Variants in PNPT1 observed in about 807,000 individuals in gnomAD.
The protein encoded by PNPT1 is polyribonucleotide nucleotidyltransferase 1, also known as polyribonucleotide nucleotidyltransferase 1, mitochondrial.
A neutral mutation model predicts 119.5 loss-of-function variants in PNPT1; 53 were observed. The ratio of observed to expected loss-of-function variants is 0.44; its 90% CI spans 0.36 to 0.56. The LOEUF is 0.56. PNPT1 is among the 20% of genes least tolerant of loss of function. The pLI is 0.00. For missense variants in PNPT1, 948 were observed against 938.5 expected (o/e 1.01, Z -0.13); for synonymous variants, 357 against 322.1 (o/e 1.11, Z -1.16).
rs543359868 is a variant in PNPT1 at position 55,689,485 on chromosome 2, C to T, written c.162-1780G>A. 3.3e-5 allele frequency among the ~76,000 whole-genome samples: 5 copies of T among 152,244 alleles called. No homozygotes were observed. In the South Asian group the frequency reaches 8.3e-4, roughly 25 times the overall value. ...GTCCATCAACTGATGAATGGATAAG[C>T]TAAATGTGGTATAATCCATACAACT... On this transcript the variant is annotated intron_variant, in intron 1 of 27. Coordinates refer to ENST00000447944, the MANE Select transcript of PNPT1 (RefSeq NM_033109.5).
intron 1 of PNPT1, among the ~76,000 whole-genome samples, chr2:55,688,906 T>C (rs1020216946): frequency 3.9e-5 from 6 of 152,110 alleles, no homozygotes; most frequent in Admixed American, 1.3e-4. Flanking sequence ...TTTGAGGCAA[T>C]AGTGGACAAC....
At chr2:55,644,540 A>G in intron 23 of PNPT1, 97 bp downstream of exon 23, 2 of 810,600 alleles carry the variant, frequency 2.5e-6, no homozygotes, top group Admixed American at 3.1e-5. Flanking sequence ...CATTTCTCAA[A>G]TAAATATATA....
At chr2:55,681,717 C>A (rs1451165896) in intron 5 of PNPT1, among the ~76,000 whole-genome samples, 1 of 151,536 alleles carries the variant, frequency 6.6e-6, no homozygotes, top group African/African-American at 2.4e-5. Flanking sequence ...TGGTAGTGCA[C>A]GCCTATAATC....
At position 55,672,970 on chromosome 2, in the gene PNPT1, T is replaced by C. The variant is rs76180666; in HGVS notation, c.789A>G (p.Val263=). 1.7e-4 allele frequency: 276 copies of C among 1,613,654 alleles called. 1 individual carries two copies. In the East Asian group the frequency reaches 4.3e-3, roughly 25 times the overall value. ...QQIIQGIQQL[V]KETGVTKRTP... ...TCCTCTTGGTAACACCAGTTTCTTTTACCAACTGCTGAATGCCCTGAATTA... is the reference window on the plus strand; with the variant it reads ...TCCTCTTGGTAACACCAGTTTCTTTCACCAACTGCTGAATGCCCTGAATTA... Residue 263 remains valine (V), a synonymous_variant, in exon 9 of 28, where the codon GTA becomes GTG. Coordinates refer to ENST00000447944, the MANE Select transcript of PNPT1 (RefSeq NM_033109.5).
intron 5 of PNPT1, among the ~76,000 whole-genome samples, chr2:55,683,187 T>C (rs1697300522): frequency 6.6e-6 from 1 of 152,208 alleles, no homozygotes; most frequent in Non-Finnish European, 1.5e-5. Flanking sequence ...ACGCTGATCT[T>C]CTTTTTAAAC....
intron 25 of PNPT1, among the ~76,000 whole-genome samples, chr2:55,642,386 C>T (rs554738074): frequency 1.3e-5 from 2 of 150,730 alleles, no homozygotes; most frequent in East Asian, 4.0e-4. Context: ...GGGGGCGGAT[C>T]ACAAGGTCAG....
Position 55,667,921 on chromosome 2 carries a change from T to C in PNPT1, c.1014A>G (p.Glu338=). The change falls in exon 12 of 28, where the codon GAA becomes GAG. Residue 338 remains glutamate, a synonymous_variant. Coordinates refer to ENST00000447944, the MANE Select transcript of PNPT1 (RefSeq NM_033109.5). ...CTTCCTTTGCAACAACATTGAAGGA[T>C]TCTATTATTTCATATGGATCGGCTT... ...FPEADPYEII[E]SFNVVAKEVF... The C allele has an allele frequency of 6.3e-7, 1 of 1,581,116 alleles. No homozygotes were observed. The highest frequency in any genetic ancestry group is 8.5e-7 in the Non-Finnish European group (1 of 1,171,864).
intron 15 of PNPT1, among the ~76,000 whole-genome samples, chr2:55,658,220 G>A (rs956667958): frequency 6.6e-6 from 1 of 152,050 alleles, no homozygotes; most frequent in East Asian, 1.9e-4. Flanking sequence ...GTGACAGAGT[G>A]AGACTCTGTC....
chr2:55,690,113 C>T (rs906255652), intron 1 of PNPT1, among the ~76,000 whole-genome samples: 1 of 152,178 alleles, frequency 6.6e-6, no homozygotes, highest in Non-Finnish European at 1.5e-5. Context: ...TAAGCCACTG[C>T]TCCCAGACGA....
In PNPT1 at chr2:55,685,057, G is replaced by A. The variant is rs1480569576; in HGVS notation, c.298-9C>T. 4 of 1,558,708 alleles carry A rather than the reference G, an allele frequency of 2.6e-6. No individual in the cohort carries two copies. In the Admixed American group the frequency reaches 5.7e-5, roughly 22 times the overall value. On this transcript the variant is annotated splice_polypyrimidine_tract_variant and intron_variant, in intron 3 of 27. Transcript: ENST00000447944. ...TTTTGTCTGTAGTCAACCTGAAGCA[G>A]CAATAAAAAAAAGTTCATATAATTC...
At chr2:55,668,141 A>G (rs1696797619) in intron 11 of PNPT1, among the ~76,000 whole-genome samples, 183 bp from the exon 12 acceptor site, 1 of 152,266 alleles carries the variant, frequency 6.6e-6, no homozygotes, top group Admixed American at 6.5e-5. Flanking sequence ...GTGACACATC[A>G]AGTACCAAGT....
intron 5 of PNPT1, among the ~76,000 whole-genome samples, chr2:55,682,787 T>C (rs958502473): frequency 2.0e-5 from 3 of 152,056 alleles, no homozygotes; most frequent in Admixed American, 6.6e-5. Flanking sequence ...TTTGTGCCTG[T>C]AGTCCCAGCT....
intron 15 of PNPT1, among the ~76,000 whole-genome samples, chr2:55,658,016 CTGCT>C (rs1388442163): frequency 2.6e-5 from 4 of 151,244 alleles, no homozygotes; most frequent in African/African-American, 9.7e-5. Flanking sequence ...GGCAGGCAGA[CTGCT>C]TGAGCCCAGG....
At position 55,654,881 on chromosome 2, in the gene PNPT1, T is replaced by C. The variant is rs1373452430; in HGVS notation, c.1495+19A>G. On this transcript the variant is annotated intron_variant, in intron 18 of 27. Coordinates refer to ENST00000447944, the MANE Select transcript of PNPT1 (RefSeq NM_033109.5). ...CAGGCATGAGCAATATCAGCAGTTT[T>C]GAGACATAATTCTTTTACCTGAATC... 1.2e-6 allele frequency: 2 copies of C among 1,606,260 alleles called. No homozygotes were observed. Among genetic ancestry groups the C allele is most frequent in the Admixed American group, 3.3e-5 (2 of 59,830 alleles).
intron 1 of PNPT1, among the ~76,000 whole-genome samples, chr2:55,692,548 T>C (rs1697650678): frequency 6.6e-6 from 1 of 152,014 alleles, no homozygotes; most frequent in Non-Finnish European, 1.5e-5. Flanking sequence ...TAAAAAAAAG[T>C]ATGGGCTTTG....
chr2:55,651,646 G>A (rs1293686433), intron 18 of PNPT1, among the ~76,000 whole-genome samples: 10 of 150,272 alleles, frequency 6.7e-5, no homozygotes, highest in African/African-American at 1.5e-4. Flanking sequence ...GCGGAAGGCC[G>A]CAGGGTCCTC....
intron 18 of PNPT1, among the ~76,000 whole-genome samples, chr2:55,654,133 T>C (rs1049370160): frequency 6.6e-6 from 1 of 151,994 alleles, no homozygotes; most frequent in Non-Finnish European, 1.5e-5. Flanking sequence ...AGCACGCACC[T>C]GTAATTCCAG....
chr2:55,658,109 T>C (rs932941434), intron 15 of PNPT1, among the ~76,000 whole-genome samples: 1 of 151,826 alleles, frequency 6.6e-6, no homozygotes, highest in Non-Finnish European at 1.5e-5. Context: ...TGGTGGTGCC[T>C]GTAGTCCCAG....
At chr2:55,637,452 A>G in intron 27 of PNPT1, 100 bp downstream of exon 27, 1 of 1,098,116 alleles carries the variant, frequency 9.1e-7, no homozygotes, top group East Asian at 2.4e-5. Context: ...CAAATAAAAA[A>G]CTTCATAGAT....
Sources: gnomAD v4.1 joint callset for allele counts (sites outside exome capture counted in the v4.1 genomes callset) on GRCh38, gnomAD v4.1.1 for gene constraint, MANE v1.5 for transcripts, NCBI Gene and HGNC (gene_info 2026-07-23, HGNC 2026-07-21) for gene names.